NLGN4X: variants seen among roughly 807,000 people sequenced by gnomAD.
NLGN4X encodes neuroligin 4 X-linked.
A neutral mutation model predicts 40.3 loss-of-function variants in NLGN4X; 3 were observed. The ratio of observed to expected loss-of-function variants is 0.07; its 90% CI spans 0.03 to 0.19. The LOEUF is 0.19. Among genes scored for constraint, NLGN4X ranks in the 10% least tolerant of loss-of-function variants. The probability of loss-of-function intolerance (pLI) is 1.00; values close to 1 mark genes in which losing one functional copy is unlikely to be tolerated. For missense variants in NLGN4X, 382 were observed against 708.3 expected (o/e 0.54, Z 5.23); for synonymous variants, 270 against 306.8 (o/e 0.88, Z 1.25).
chrX:6,156,683 C>A (rs1387277364), intron 1 of NLGN4X, among the ~76,000 whole-genome samples: 7 of 110,209 alleles, frequency 6.4e-5, no homozygotes, highest in Non-Finnish European at 1.1e-4. Flanking sequence ...GGACATAAAG[C>A]AATAACAAAC....
chrX:6,156,189 G>A (rs1000974878), intron 1 of NLGN4X, among the ~76,000 whole-genome samples: 2 of 112,265 alleles, frequency 1.8e-5, no homozygotes, highest in African/African-American at 6.5e-5. Flanking sequence ...AATGTGATGC[G>A]TATATACCAC....
intron 1 of NLGN4X, among the ~76,000 whole-genome samples, chrX:6,180,272 C>G (rs1921284577): frequency 1.8e-5 from 2 of 111,384 alleles, no homozygotes; most frequent in Non-Finnish European, 3.8e-5. Context: ...GGAGGTGGGG[C>G]CTGGTGGGAG....
intron 2 of NLGN4X, among the ~76,000 whole-genome samples, chrX:6,049,909 T>C (rs1340268153): frequency 1.8e-5 from 2 of 111,777 alleles, no homozygotes; most frequent in Non-Finnish European, 3.8e-5. Flanking sequence ...CCGTTCACCA[T>C]AGAAACTGTT....
intron 3 of NLGN4X, among the ~76,000 whole-genome samples, chrX:6,020,548 G>C (rs2036503923): frequency 8.9e-6 from 1 of 111,989 alleles, no homozygotes; most frequent in African/African-American, 3.2e-5. Flanking sequence ...GGCAAACAAA[G>C]TTGAATCACA....
intron 3 of NLGN4X, among the ~76,000 whole-genome samples, chrX:5,990,981 G>C (rs1010430859): frequency 3.7e-5 from 4 of 109,365 alleles, no homozygotes; most frequent in Non-Finnish European, 7.5e-5. Context: ...GCACATGCGT[G>C]TGTGCATGCA....
At chrX:6,021,739 G>T (rs954651096) in intron 3 of NLGN4X, among the ~76,000 whole-genome samples, 55 of 104,736 alleles carry the variant, frequency 5.3e-4, no homozygotes, top group African/African-American at 2.1e-3. Flanking sequence ...GTGTTTTTTT[G>T]TTTGTTTTTT....
intron 3 of NLGN4X, among the ~76,000 whole-genome samples, chrX:5,939,394 C>T (rs1222089277): frequency 1.8e-5 from 2 of 111,579 alleles, no homozygotes; most frequent in Non-Finnish European, 3.8e-5. Flanking sequence ...TGCACACACA[C>T]ACATACACAT....
At chrX:6,172,491 T>C (rs911039422) in intron 1 of NLGN4X, among the ~76,000 whole-genome samples, 3 of 111,888 alleles carry the variant, frequency 2.7e-5, no homozygotes, top group African/African-American at 9.8e-5. Flanking sequence ...CTCATAATCG[T>C]TCTCCAATCT....
At chrX:5,902,941 T>C in intron 5 of NLGN4X, 136 bp downstream of exon 5, 1 of 687,024 alleles carries the variant, frequency 1.5e-6, no homozygotes, top group Admixed American at 2.5e-5. Flanking sequence ...CGTGTGTCTG[T>C]GTGTATGTGT....
chrX:5,965,808 ATG>A (rs1193014947), intron 3 of NLGN4X, among the ~76,000 whole-genome samples: 1 of 112,252 alleles, frequency 8.9e-6, no homozygotes, highest in African/African-American at 3.2e-5. Context: ...CTACAACTTC[ATG>A]TAACACTGAC....
intron 2 of NLGN4X, among the ~76,000 whole-genome samples, chrX:6,111,476 T>A (rs2039147717): frequency 8.9e-6 from 1 of 111,778 alleles, no homozygotes; most frequent in Non-Finnish European, 1.9e-5. Context: ...AAGTGGCTCA[T>A]ACCTGTAATC....
chrX:5,892,588 C>T lies in NLGN4X; in HGVS notation c.*229G>A. Reference sequence around the variant, plus strand: ...TATTTTAACAGAAATGTGTACTTCTCACATTTCACAGGGTCAGAAGTTGAT... The same window carrying T: ...TATTTTAACAGAAATGTGTACTTCTTACATTTCACAGGGTCAGAAGTTGAT... On this transcript the variant is annotated 3_prime_UTR_variant, in exon 6 of 6. Transcript: ENST00000381095. 2.3e-6 allele frequency: 1 copy of T among 426,851 alleles called. No homozygotes were observed. Among genetic ancestry groups the T allele is most frequent in the Non-Finnish European group, 4.0e-6 (1 of 247,042 alleles). The allele number at this position is 426,851 out of a possible 1,213,427, so 35.2% of individuals were successfully genotyped here.
intron 2 of NLGN4X, among the ~76,000 whole-genome samples, chrX:6,052,251 A>G (rs1171073606): frequency 2.7e-5 from 3 of 111,909 alleles, no homozygotes; most frequent in Non-Finnish European, 5.6e-5. Context: ...CAGCTCAGAC[A>G]TGCCCAGACG....
In NLGN4X at chrX:6,204,340, C is replaced by A. The variant is rs184795601; in HGVS notation, c.-306+24201G>T. On this transcript the variant is annotated intron_variant, in intron 1 of 5. Transcript: ENST00000381095. ...GGGGGCCATGGGGAAATAAATAATG[C>A]CCAGCACGTCAATGAGTTTTTATGG... Among the ~76,000 whole-genome samples, 343 of 111,785 alleles carry A rather than the reference C, an allele frequency of 3.1e-3. 3 individuals are homozygous for A. Among genetic ancestry groups the A allele is most frequent in the African/African-American group, 0.011 (329 of 30,815 alleles).
intron 2 of NLGN4X, among the ~76,000 whole-genome samples, chrX:6,098,158 G>A (rs1323116492): frequency 9.0e-6 from 1 of 111,069 alleles, no homozygotes; most frequent in East Asian, 2.8e-4. Flanking sequence ...AGCTGGGTGT[G>A]GTTGTGGATG....
At chrX:6,049,591 G>A (rs910702751) in intron 2 of NLGN4X, among the ~76,000 whole-genome samples, 2 of 109,464 alleles carry the variant, frequency 1.8e-5, no homozygotes, top group African/African-American at 3.3e-5. Flanking sequence ...TCATGTCACA[G>A]AAACCTTAAA....
chrX:5,908,071 GAC>G (rs1436903445), intron 4 of NLGN4X, among the ~76,000 whole-genome samples: 1 of 92,867 alleles, frequency 1.1e-5, no homozygotes, highest in Non-Finnish European at 2.2e-5. Context: ...AGGGAGGAGA[GAC>G]AGTGGAAGGA....
chrX:5,921,139 A>C (rs1271897813), intron 3 of NLGN4X, among the ~76,000 whole-genome samples: 1 of 45,754 alleles, frequency 2.2e-5, no homozygotes, highest in Non-Finnish European at 3.4e-5. Flanking sequence ...TTTTTTATAT[A>C]TATATATACA....
chrX:6,117,664 C>T (rs2039332757), intron 2 of NLGN4X, among the ~76,000 whole-genome samples: 1 of 112,331 alleles, frequency 8.9e-6, no homozygotes, highest in African/African-American at 3.2e-5. Context: ...CTGCACTCAT[C>T]AGCAGCATTT....
Sources: gnomAD v4.1 joint callset for allele counts (sites outside exome capture counted in the v4.1 genomes callset) on GRCh38, gnomAD v4.1.1 for gene constraint, MANE v1.5 for transcripts, NCBI Gene and HGNC (gene_info 2026-07-23, HGNC 2026-07-21) for gene names.